The following PARD3 variants were observed in gnomAD, a reference collection of about 807,000 sequenced individuals.
PARD3 encodes the protein par-3 family cell polarity regulator, also known as partitioning defective 3 homolog.
A neutral mutation model predicts 155.4 loss-of-function variants in PARD3; 75 were observed. The observed-to-expected ratio is 0.48, with a 90% CI of 0.40 to 0.58. The LOEUF is 0.58. PARD3 is among the 20% of genes least tolerant of loss of function. PARD3 has a pLI of 0.00. For synonymous variants in PARD3, 576 were observed against 610.5 expected (o/e 0.94, Z 0.83); for missense variants, 1,642 against 1,721.7 (o/e 0.95, Z 0.82).
At chr10:34,281,407 G>T (rs1956152215) in intron 21 of PARD3, among the ~76,000 whole-genome samples, 1 of 152,120 alleles carries the variant, frequency 6.6e-6, no homozygotes, top group Admixed American at 6.5e-5. Context: ...TTCCCCCTTG[G>T]TATCACGCCC....
chr10:34,225,846 T>G (rs1952572303), intron 22 of PARD3, among the ~76,000 whole-genome samples: 1 of 151,914 alleles, frequency 6.6e-6, no homozygotes, highest in Non-Finnish European at 1.5e-5. Context: ...TTCTTAGATA[T>G]GACATCAAAA....
chr10:34,572,785 C>A (rs2086535413), intron 2 of PARD3, among the ~76,000 whole-genome samples: 1 of 151,778 alleles, frequency 6.6e-6, no homozygotes, highest in Non-Finnish European at 1.5e-5. Context: ...TTACGCAGGC[C>A]ATATGGCCTG....
At chr10:34,356,073 G>T (rs1459110214) in intron 14 of PARD3, among the ~76,000 whole-genome samples, 1 of 151,972 alleles carries the variant, frequency 6.6e-6, no homozygotes, top group Non-Finnish European at 1.5e-5. Flanking sequence ...CAGAAAACTA[G>T]AGAGAGTACA....
chr10:34,264,074 T>C (rs1955168821), intron 22 of PARD3, among the ~76,000 whole-genome samples: 1 of 152,228 alleles, frequency 6.6e-6, no homozygotes, highest in Non-Finnish European at 1.5e-5. Flanking sequence ...TTAAGATTTT[T>C]AACTTTAGAT....
At chr10:34,495,930 T>C (rs971134928) in intron 3 of PARD3, among the ~76,000 whole-genome samples, 10 of 151,626 alleles carry the variant, frequency 6.6e-5, no homozygotes, top group Admixed American at 2.0e-4. Context: ...AGGCTAGCCA[T>C]GGTGGCTCAT....
chr10:34,404,907 G>A (rs930384896), intron 5 of PARD3, among the ~76,000 whole-genome samples: 18 of 152,158 alleles, frequency 1.2e-4, no homozygotes, highest in African/African-American at 4.1e-4. Flanking sequence ...AACGTAGCAA[G>A]ACTCAGTCTC....
intron 1 of PARD3, among the ~76,000 whole-genome samples, chr10:34,791,143 G>A (rs138035827): frequency 6.6e-6 from 1 of 152,302 alleles, no homozygotes; most frequent in East Asian, 1.9e-4. Flanking sequence ...TCAAAACCTG[G>A]CTAGACATAA....
intron 7 of PARD3, among the ~76,000 whole-genome samples, chr10:34,394,454 T>C (rs1843135078): frequency 6.6e-6 from 1 of 152,192 alleles, no homozygotes. Context: ...GCCTCCCAAG[T>C]GGCTGGGACC....
At chr10:34,768,909 C>A (rs79307313) in intron 1 of PARD3, among the ~76,000 whole-genome samples, 3,599 of 152,270 alleles carry the variant, frequency 0.024, 148 homozygotes, top group African/African-American at 0.083. Flanking sequence ...CAGTTCCCAG[C>A]GCCGAACTCC....
intron 1 of PARD3, among the ~76,000 whole-genome samples, chr10:34,808,828 GCGCTT>G (rs1257070391): frequency 1.3e-5 from 2 of 152,100 alleles, no homozygotes; most frequent in African/African-American, 4.8e-5. Context: ...AAGCCAAGAA[GCGCTT>G]CACATCCGCC....
At chr10:34,316,192 G>C (rs1470193454) in intron 20 of PARD3, among the ~76,000 whole-genome samples, 3 of 152,198 alleles carry the variant, frequency 2.0e-5, no homozygotes, top group African/African-American at 7.2e-5. Context: ...TGGCTGTGCT[G>C]TATGTTTTCA....
At chr10:34,459,850 A>G (rs2077536870) in intron 4 of PARD3, among the ~76,000 whole-genome samples, 1 of 152,176 alleles carries the variant, frequency 6.6e-6, no homozygotes, top group Non-Finnish European at 1.5e-5. Flanking sequence ...TTTTCAGCCC[A>G]CAATCCAAAC....
At chr10:34,661,941 G>GC (rs1172948361) in intron 2 of PARD3, among the ~76,000 whole-genome samples, 5 of 152,146 alleles carry the variant, frequency 3.3e-5, no homozygotes, top group Non-Finnish European at 7.3e-5. Flanking sequence ...TACCTTGAAA[G>GC]CCCCACTGGA....
At chr10:34,321,232 T>C (rs886906168) in intron 19 of PARD3, among the ~76,000 whole-genome samples, 2 of 152,182 alleles carry the variant, frequency 1.3e-5, no homozygotes, top group South Asian at 4.1e-4. Flanking sequence ...CGAACATGCA[T>C]ATAAACAATT....
chr10:34,360,229 G>T lies in PARD3; in HGVS notation c.1738C>A (p.Pro580Thr). 6.2e-7 allele frequency: 1 copy of T among 1,613,636 alleles called. No homozygotes were observed. The highest frequency in any genetic ancestry group is 8.5e-7 in the Non-Finnish European group (1 of 1,179,546). ...GTCAGAAATTCCCTGGTGCCATCAGGTGTAAGAACAATATCCTCATCTTCT... is the reference window on the plus strand; with the variant it reads ...GTCAGAAATTCCCTGGTGCCATCAGTTGTAAGAACAATATCCTCATCTTCT... ...KAEDEDIVLTPDGTREFLTFE... is the reference protein window; with the variant it reads ...KAEDEDIVLTTDGTREFLTFE... Residue 580 changes from proline (P) to threonine (T), a missense_variant, in exon 13 of 25, where the codon CCT becomes ACT. Pro to Thr is a conservative substitution (Grantham distance 38). Transcript: ENST00000374788.
chr10:34,626,173 C>T (rs1270824674), intron 2 of PARD3, among the ~76,000 whole-genome samples: 1 of 152,206 alleles, frequency 6.6e-6, no homozygotes, highest in Non-Finnish European at 1.5e-5. Context: ...ATTGGAATTA[C>T]ATTCAATGCA....
At chr10:34,631,218 C>G (rs1368064566) in intron 2 of PARD3, among the ~76,000 whole-genome samples, 1 of 152,204 alleles carries the variant, frequency 6.6e-6, no homozygotes, top group Non-Finnish European at 1.5e-5. Context: ...GGTGTACCCA[C>G]TCAGCCCCTC....
chr10:34,318,672 G>A (rs1466271033), intron 19 of PARD3, among the ~76,000 whole-genome samples: 1 of 152,160 alleles, frequency 6.6e-6, no homozygotes, highest in African/African-American at 2.4e-5. Context: ...ACTATCAAAT[G>A]GTGGTATAGC....
At chr10:34,122,999 A>G (rs1214761830) in intron 23 of PARD3, among the ~76,000 whole-genome samples, 1 of 152,232 alleles carries the variant, frequency 6.6e-6, no homozygotes, top group Non-Finnish European at 1.5e-5. Context: ...CGACAAAGTA[A>G]CACCCACATA....
Sources: allele counts gnomAD v4.1 joint callset (sites outside exome capture counted in the v4.1 genomes callset), GRCh38; gene constraint gnomAD v4.1.1; transcripts MANE v1.5; gene names NCBI Gene and HGNC (gene_info 2026-07-23, HGNC 2026-07-21).